PDZD11: variants seen among roughly 807,000 people sequenced by gnomAD.
PDZD11 encodes the protein PDZ domain-containing protein 11.
Under a neutral mutation model 13.7 loss-of-function variants are expected in PDZD11, and 2 were observed. The ratio of observed to expected loss-of-function variants is 0.15; its 90% CI spans 0.06 to 0.46. The LOEUF (loss-of-function observed/expected upper bound fraction) is 0.46. PDZD11 is among the 20% of genes least tolerant of loss of function. The probability of loss-of-function intolerance (pLI) is 0.98; values close to 1 mark genes in which losing one functional copy is unlikely to be tolerated. For missense variants in PDZD11, 44 were observed against 111.7 expected, an observed-to-expected ratio of 0.39 and a Z score of 2.73; for synonymous variants, 32 against 37.5, an observed-to-expected ratio of 0.85 and a Z score of 0.54.
chrX:70,289,837 G>A, intron 1 of PDZD11, 23 bp downstream of exon 1: 1 of 123,126 alleles, frequency 8.1e-6, no homozygotes, highest in Non-Finnish European at 1.7e-5. Flanking sequence ...ACTCTCAGCC[G>A]CATAAACGCC....
At position 70,286,992 on chromosome X, in the gene PDZD11, A is replaced by T; in HGVS notation, c.*90T>A. ...CCCCATCCTCCCAACTCACTATTCC[A>T]GGGAGGGGCTGAAAACAGAAGTGGC... On this transcript the variant is annotated 3_prime_UTR_variant, in exon 7 of 7. Coordinates refer to ENST00000239666, the MANE Select transcript of PDZD11 (RefSeq NM_016484.5). 1 of 819,262 alleles carries T rather than the reference A, an allele frequency of 1.2e-6. No individual in the cohort carries two copies. Among genetic ancestry groups the T allele is most frequent in the Non-Finnish European group, 1.8e-6 (1 of 560,601 alleles). The allele number at this position is 819,262 out of a possible 1,213,427, so 67.5% of individuals were successfully genotyped here. A position where few individuals can be genotyped will look rare whatever the true frequency, so the allele number is the denominator to read the frequency against.
At chrX:70,287,593 A>C in intron 5 of PDZD11, 139 bp downstream of exon 5, 2 of 523,872 alleles carry the variant, frequency 3.8e-6, no homozygotes, top group Non-Finnish European at 6.5e-6. Flanking sequence ...TCAGCCTCCT[A>C]AGTAGCTGGG....
intron 2 of PDZD11, among the ~76,000 whole-genome samples, chrX:70,288,782 G>A (rs528535423): frequency 5.8e-5 from 6 of 104,142 alleles, no homozygotes; most frequent in Admixed American, 1.1e-4. Context: ...TCAGCTCACC[G>A]CAACCTCTGC....
chrX:70,287,945 C>T, intron 4 of PDZD11, 115 bp from the exon 5 acceptor site: 1 of 728,394 alleles, frequency 1.4e-6, no homozygotes, highest in South Asian at 2.4e-5. Flanking sequence ...ACAATGTATG[C>T]AGACAGATGG....
rs923888720 is a variant in PDZD11 at position 70,287,972 on chromosome X, T to C, written c.229-142A>G. 2 of 709,689 alleles carry C rather than the reference T, an allele frequency of 2.8e-6. No individual in the cohort carries two copies. The highest frequency in any genetic ancestry group is 5.4e-5 in the Admixed American group (2 of 37,142). The allele number at this position is 709,689 out of a possible 1,213,427, so 58.5% of individuals were successfully genotyped here. The stretch of plus-strand genomic sequence containing the variant: ...GACAGATGGCCTGCCAAATGAAAAG[T>C]TTTAAGTGGGAAAGGGGGTGTCTCC... On this transcript the variant is annotated intron_variant, in intron 4 of 6. Transcript: ENST00000239666.
chrX:70,288,057 G>T, intron 4 of PDZD11, 60 bp downstream of exon 4: 1 of 996,526 alleles, frequency 1.0e-6, no homozygotes, highest in Non-Finnish European at 1.4e-6. Flanking sequence ...TTAGGGTTCT[G>T]CAATCTGTTA....
In PDZD11 at chrX:70,287,088, C is replaced by G. The variant is rs2085722830; in HGVS notation, c.417G>C (p.Val139=). 1 of 1,199,008 alleles carries G rather than the reference C, an allele frequency of 8.3e-7. No homozygotes were observed. ...YNYHRQKERT[V]H is the part of the protein sequence containing the mutation. ...GGCTGTGGGCTGCAACTTTCTAGTG[C>G]ACAGTCCTCTCTTTTTGGCGATGAT... The change falls in exon 7 of 7, where the codon GTG becomes GTC. Residue 139 remains valine, a synonymous_variant. Transcript: ENST00000239666.
At chrX:70,287,580 G>A (rs962885871) in intron 5 of PDZD11, 152 bp downstream of exon 5, 6 of 500,382 alleles carry the variant, frequency 1.2e-5, no homozygotes, top group Admixed American at 3.4e-5. Context: ...TGATCCTCCC[G>A]CCTCAGCCTC....
rs142893388 is a variant in PDZD11 at position 70,287,807 on chromosome X, A to G, written c.252T>C (p.His84=). Residue 84 remains histidine (H), a synonymous_variant, in exon 5 of 7, where the codon CAT becomes CAC. Coordinates refer to ENST00000239666, the MANE Select transcript of PDZD11 (RefSeq NM_016484.5). The part of the protein sequence containing the change: ...ISKVIPDSDA[H]RAGLQEGDQV... ...GGTCCCCTTCCTGCAGTCCTGCTCTATGTGCATCAGAGTCAGGAATCACCT... is the reference window on the plus strand; with the variant it reads ...GGTCCCCTTCCTGCAGTCCTGCTCTGTGTGCATCAGAGTCAGGAATCACCT... The G allele has an allele frequency of 2.5e-6, 3 of 1,203,177 alleles. No individual in the cohort carries two copies. Among genetic ancestry groups the G allele is most frequent in the South Asian group, 1.8e-5 (1 of 56,737 alleles).
Position 70,286,977 on chromosome X carries a change from C to T in PDZD11, c.*105G>A. 1 of 718,786 alleles carries T rather than the reference C, an allele frequency of 1.4e-6. No individual in the cohort carries two copies. The highest frequency in any genetic ancestry group is 3.5e-5 in the East Asian group (1 of 28,662). 59.2% of individuals were successfully genotyped at this position (718,786 alleles called of 1,213,427 possible). ...GTTGGTTAGCTGTCTCCCCATCCTC[C>T]CAACTCACTATTCCAGGGAGGGGCT... On this transcript the variant is annotated 3_prime_UTR_variant, in exon 7 of 7. Coordinates refer to ENST00000239666, the MANE Select transcript of PDZD11 (RefSeq NM_016484.5).
At chrX:70,288,399 TCTAGC>T in intron 3 of PDZD11, 26 bp downstream of exon 3, 1 of 1,166,161 alleles carries the variant, frequency 8.6e-7, no homozygotes, top group Non-Finnish European at 1.2e-6. Flanking sequence ...TATGGATGAA[TCTAGC>T]CTGAAATAAG....
chrX:70,287,171 C>T, intron 6 of PDZD11, 55 bp from the exon 7 acceptor site: 1 of 1,156,081 alleles, frequency 8.6e-7, no homozygotes, highest in Non-Finnish European at 1.2e-6. Context: ...CACGCTTGAG[C>T]TCCTGATTCC....
chrX:70,288,670 C>T (rs2147651438), intron 2 of PDZD11, among the ~76,000 whole-genome samples, 157 bp from the exon 3 acceptor site: 1 of 109,931 alleles, frequency 9.1e-6, no homozygotes, highest in South Asian at 3.9e-4. Context: ...AGATGGATAG[C>T]ACTGGGGCAG....
At chrX:70,289,527 T>A in intron 1 of PDZD11, 173 bp from the exon 2 acceptor site, 1 of 804,820 alleles carries the variant, frequency 1.2e-6, no homozygotes, top group Non-Finnish European at 1.7e-6. Context: ...TTAACTTAGC[T>A]AAACATCTTC....
rs761235311 is a variant in PDZD11, at chrX:70,289,227, C to G, written c.87+28G>C. On this transcript the variant is annotated intron_variant, in intron 2 of 6. Transcript: ENST00000239666. Reference sequence around the variant, plus strand: ...CTCATGCCCACGGGGAAAAAAATCTCCTACTCAGGAATACAGATGGTTCCC... The same window carrying G: ...CTCATGCCCACGGGGAAAAAAATCTGCTACTCAGGAATACAGATGGTTCCC... The G allele has an allele frequency of 2.0e-5, 23 of 1,159,948 alleles. No homozygotes were observed. In the Admixed American group the frequency reaches 3.7e-4, roughly 19 times the overall value.
At chrX:70,289,568 G>T in intron 1 of PDZD11, 1 of 472,625 alleles carries the variant, frequency 2.1e-6, no homozygotes, top group Non-Finnish European at 3.3e-6. Flanking sequence ...AGGTACTCTA[G>T]AAAGAGGACC....
intron 2 of PDZD11, 68 bp from the exon 3 acceptor site, chrX:70,288,581 A>G (rs1602731975): frequency 1.2e-6 from 1 of 859,008 alleles, no homozygotes; most frequent in East Asian, 3.1e-5. Flanking sequence ...CTGAAACACT[A>G]ATGAATTACC....
rs775771527 is a variant in PDZD11 at position 70,287,716 on chromosome X, C to T, written c.327+16G>A. The T allele has an allele frequency of 2.8e-5, 32 of 1,159,221 alleles. No individual in the cohort carries two copies. The East Asian group carries it at 9.2e-4, about 33-fold the overall frequency. Reference sequence around the variant, plus strand: ...GATGGCTTCTTGCAGCACCACAGCCCAAGTACTGTGCTCACCTTGCTGTGC... The same window carrying T: ...GATGGCTTCTTGCAGCACCACAGCCTAAGTACTGTGCTCACCTTGCTGTGC... On this transcript the variant is annotated intron_variant, in intron 5 of 6. Coordinates refer to ENST00000239666, the MANE Select transcript of PDZD11 (RefSeq NM_016484.5).
intron 4 of PDZD11, 105 bp downstream of exon 4, chrX:70,288,012 A>C (rs1387435756): frequency 5.1e-6 from 4 of 777,014 alleles, no homozygotes; most frequent in Non-Finnish European, 7.7e-6. Context: ...TACCCCTTCT[A>C]TGAATCCAGA....
Sources: allele counts gnomAD v4.1 joint callset (sites outside exome capture counted in the v4.1 genomes callset), GRCh38; gene constraint gnomAD v4.1.1; transcripts MANE v1.5; gene names NCBI Gene and HGNC (gene_info 2026-07-23, HGNC 2026-07-21).